The following COBLL1 variants were observed in gnomAD, a reference collection of about 807,000 sequenced individuals.
COBLL1 encodes the protein cordon-bleu WH2 repeat protein like 1, also known as cordon-bleu protein-like 1.
Under a neutral mutation model 94.8 loss-of-function variants are expected in COBLL1, and 50 were observed. The observed-to-expected ratio is 0.53, with a 90% CI of 0.42 to 0.67. The LOEUF (loss-of-function observed/expected upper bound fraction) is 0.67. Among genes scored for constraint, COBLL1 ranks in the 30% least tolerant of loss-of-function variants. COBLL1 has a pLI of 0.00. For synonymous variants in COBLL1, 448 were observed against 473.8 expected, an observed-to-expected ratio of 0.95 and a Z score of 0.71; for missense variants, 1,362 against 1,348.7, an observed-to-expected ratio of 1.01 and a Z score of -0.15.
intron 2 of COBLL1, among the ~76,000 whole-genome samples, chr2:164,750,241 A>T (rs1215691911): frequency 6.6e-6 from 1 of 152,118 alleles, no homozygotes; most frequent in East Asian, 1.9e-4. Context: ...CAAATGTTCT[A>T]TAACCAAAAC....
intron 2 of COBLL1, among the ~76,000 whole-genome samples, chr2:164,759,165 A>C (rs192183955): frequency 1.5e-4 from 23 of 152,316 alleles, no homozygotes; most frequent in African/African-American, 5.3e-4. Context: ...TCAAATATGA[A>C]CTTGGGTAAA....
intron 9 of COBLL1, among the ~76,000 whole-genome samples, chr2:164,702,558 C>CAAA (rs56011410): frequency 1.6e-3 from 131 of 80,994 alleles, no homozygotes; most frequent in Non-Finnish European, 2.0e-3. Context: ...TGAGACTCCT[C>CAAA]AAAAAAAAAA....
intron 3 of COBLL1, among the ~76,000 whole-genome samples, chr2:164,731,934 A>T (rs1306067774): frequency 6.6e-6 from 1 of 152,154 alleles, no homozygotes; most frequent in Non-Finnish European, 1.5e-5. Flanking sequence ...GAGGTGGGGA[A>T]GGATTCACTG....
chr2:164,799,311 T>C (rs1271956828), intron 2 of COBLL1, among the ~76,000 whole-genome samples: 1 of 152,160 alleles, frequency 6.6e-6, no homozygotes, highest in Non-Finnish European at 1.5e-5. Context: ...TGCCCTTTTT[T>C]TATTGATTGA....
chr2:164,823,100 T>TA (rs1685260172), intron 2 of COBLL1, among the ~76,000 whole-genome samples: 1 of 152,210 alleles, frequency 6.6e-6, no homozygotes, highest in South Asian at 2.1e-4. Context: ...GGACTTTCCT[T>TA]ATTTTAAAAC....
intron 2 of COBLL1, among the ~76,000 whole-genome samples, chr2:164,805,046 A>G (rs2105326665): frequency 6.6e-6 from 1 of 152,150 alleles, no homozygotes; most frequent in African/African-American, 2.4e-5. Flanking sequence ...TCTAGAAGAC[A>G]AATGATGATG....
chr2:164,699,582 A>G (rs1211998794), intron 10 of COBLL1, 83 bp from the exon 11 acceptor site: 2 of 721,796 alleles, frequency 2.8e-6, no homozygotes, highest in South Asian at 3.7e-5. Context: ...CACACACACA[A>G]TGAGAAACAG....
chr2:164,819,797 T>G (rs929616598), intron 2 of COBLL1, among the ~76,000 whole-genome samples: 1 of 144,986 alleles, frequency 6.9e-6, no homozygotes, highest in Non-Finnish European at 1.5e-5. Flanking sequence ...TAGTTTTTTT[T>G]GCCACTGTTT....
intron 2 of COBLL1, among the ~76,000 whole-genome samples, chr2:164,838,035 T>A (rs1683405611): frequency 6.6e-6 from 1 of 152,104 alleles, no homozygotes; most frequent in Admixed American, 6.5e-5. Context: ...GAAAGGGATC[T>A]AATCTAGAAT....
chr2:164,744,866 G>C (rs1020267190), intron 2 of COBLL1, among the ~76,000 whole-genome samples: 3 of 152,050 alleles, frequency 2.0e-5, no homozygotes, highest in Non-Finnish European at 4.4e-5. Context: ...AGAAATAGTA[G>C]ACATTCTGAA....
chr2:164,767,220 C>T (rs1327248454), intron 2 of COBLL1, among the ~76,000 whole-genome samples: 1 of 152,054 alleles, frequency 6.6e-6, no homozygotes, highest in Non-Finnish European at 1.5e-5. Context: ...TGCATGAATG[C>T]TTTTTAATTT....
intron 2 of COBLL1, among the ~76,000 whole-genome samples, chr2:164,825,935 G>A (rs1391358465): frequency 2.0e-5 from 3 of 152,134 alleles, no homozygotes; most frequent in Non-Finnish European, 4.4e-5. Flanking sequence ...ACAGGAGGTA[G>A]GAAATCTGAT....
At chr2:164,768,808 C>A (rs1236120322) in intron 2 of COBLL1, among the ~76,000 whole-genome samples, 1 of 152,120 alleles carries the variant, frequency 6.6e-6, no homozygotes, top group Non-Finnish European at 1.5e-5. Context: ...CGTGAAAGCA[C>A]TGGCCTTCCT....
At chr2:164,772,365 C>A (rs355855) in intron 2 of COBLL1, among the ~76,000 whole-genome samples, 35,411 of 151,576 alleles carry the variant, frequency 0.23, 4,793 homozygotes, top group African/African-American at 0.37. Flanking sequence ...AGATTTCTAC[C>A]AGGTATTTAG....
chr2:164,793,936 T>C (rs1449015338), intron 2 of COBLL1, among the ~76,000 whole-genome samples: 5 of 152,210 alleles, frequency 3.3e-5, no homozygotes, highest in Non-Finnish European at 5.9e-5. Flanking sequence ...TGTTTTAAAA[T>C]TGTAAAAGTA....
chr2:164,770,643 T>A (rs1477702425), intron 2 of COBLL1, among the ~76,000 whole-genome samples: 1 of 152,128 alleles, frequency 6.6e-6, no homozygotes, highest in African/African-American at 2.4e-5. Context: ...TAAAATCCAT[T>A]GCAATTCTTC....
chr2:164,818,318 G>GTA (rs1684935960), intron 2 of COBLL1, among the ~76,000 whole-genome samples: 15 of 100,634 alleles, frequency 1.5e-4, no homozygotes, highest in Non-Finnish European at 2.2e-4. Context: ...ATATACACGT[G>GTA]TGTATGTATA....
chr2:164,823,237 T>G (rs940459606), intron 2 of COBLL1, among the ~76,000 whole-genome samples: 1 of 152,202 alleles, frequency 6.6e-6, no homozygotes. Flanking sequence ...TACTGTATAG[T>G]AATATTTTCA....
chr2:164,762,821 C>T (rs1476429587), intron 2 of COBLL1, among the ~76,000 whole-genome samples: 3 of 151,862 alleles, frequency 2.0e-5, no homozygotes, highest in Non-Finnish European at 2.9e-5. Flanking sequence ...CTCAGCCTCC[C>T]GAGTAGCTGG....
Sources: allele counts gnomAD v4.1 joint callset (sites outside exome capture counted in the v4.1 genomes callset), GRCh38; gene constraint gnomAD v4.1.1; transcripts MANE v1.5; gene names NCBI Gene and HGNC (gene_info 2026-07-23, HGNC 2026-07-21).